LAMA2: variants seen among roughly 807,000 people sequenced by gnomAD.
The protein encoded by LAMA2 is laminin subunit alpha-2.
Under a neutral mutation model 364.8 loss-of-function variants are expected in LAMA2, and 269 were observed. The ratio of observed to expected loss-of-function variants is 0.74; its 90% CI spans 0.67 to 0.82. The LOEUF (loss-of-function observed/expected upper bound fraction) is 0.82. Ranked by LOEUF, LAMA2 falls within the 40% of genes least tolerant of loss-of-function variation. LAMA2 has a pLI of 0.00. For missense variants in LAMA2, 3,807 were observed against 3,873.2 expected, an observed-to-expected ratio of 0.98 and a Z score of 0.45; for synonymous variants, 1,379 against 1,370.6, an observed-to-expected ratio of 1.01 and a Z score of -0.14.
intron 12 of LAMA2, among the ~76,000 whole-genome samples, chr6:129,208,582 AAGG>A (rs1220205383): frequency 1.1e-4 from 16 of 150,702 alleles, no homozygotes; most frequent in South Asian, 8.4e-4. Flanking sequence ...AAGAGAAAGA[AAGG>A]AGGAAGGAAA....
Position 129,402,375 on chromosome 6 carries a change from G to T in LAMA2, c.5614G>T (p.Asp1872Tyr), listed in dbSNP as rs768525220. The change falls in exon 39 of 65, where the codon GAT (aspartate) becomes TAT (tyrosine). Residue 1872 changes from aspartate (D) to tyrosine (Y), a missense_variant. Transcript: ENST00000421865. ...GCCACCTATGTCTGAGGAGCTTAAT[G>T]ATAAAATAGATGACCTCTCCCAAGA... ...KLPPMSEELN[D>Y]KIDDLSQEIK... 26 of 1,613,898 alleles carry T rather than the reference G, an allele frequency of 1.6e-5. No individual in the cohort carries two copies. In the South Asian group the frequency reaches 2.6e-4, roughly 16 times the overall value.
chr6:128,988,164 C>A (rs1307884686), intron 1 of LAMA2, among the ~76,000 whole-genome samples: 1 of 152,104 alleles, frequency 6.6e-6, no homozygotes, highest in African/African-American at 2.4e-5. Context: ...CTGTGCCCGG[C>A]CTAGCATGTA....
intron 17 of LAMA2, among the ~76,000 whole-genome samples, chr6:129,276,428 A>T (rs1424892372): frequency 6.6e-6 from 1 of 152,154 alleles, no homozygotes; most frequent in Admixed American, 6.6e-5. Flanking sequence ...AATGCATGAC[A>T]GTTAAAGACA....
intron 56 of LAMA2, among the ~76,000 whole-genome samples, chr6:129,489,240 A>T (rs1452744225): frequency 6.6e-6 from 1 of 152,198 alleles, no homozygotes. Context: ...TGATAGCTTT[A>T]ATACCGCCTC....
chr6:129,238,422 G>T (rs757762741), intron 12 of LAMA2, among the ~76,000 whole-genome samples: 5 of 152,024 alleles, frequency 3.3e-5, no homozygotes, highest in Non-Finnish European at 7.4e-5. Context: ...ATAACATAAC[G>T]TATAATTCAG....
At chr6:129,319,485 AG>A (rs1774821166) in intron 27 of LAMA2, among the ~76,000 whole-genome samples, 1 of 152,202 alleles carries the variant, frequency 6.6e-6, no homozygotes, top group Non-Finnish European at 1.5e-5. Flanking sequence ...CATTTGAGGA[AG>A]CAAAAATGCA....
intron 15 of LAMA2, among the ~76,000 whole-genome samples, chr6:129,262,720 A>G (rs1787217489): frequency 6.6e-6 from 1 of 151,994 alleles, no homozygotes; most frequent in African/African-American, 2.4e-5. Flanking sequence ...CTATCCTTTC[A>G]TTATTTCATT....
intron 14 of LAMA2, among the ~76,000 whole-genome samples, chr6:129,256,892 A>G (rs1379544581): frequency 4.7e-5 from 7 of 149,868 alleles, no homozygotes; most frequent in Non-Finnish European, 7.4e-5. Context: ...GTAATATAGC[A>G]TATCTTACTC....
At chr6:128,888,110 C>G (rs1386330326) in intron 1 of LAMA2, among the ~76,000 whole-genome samples, 1 of 152,106 alleles carries the variant, frequency 6.6e-6, no homozygotes, top group Non-Finnish European at 1.5e-5. Context: ...GGAATTTAGG[C>G]AGAAGCTCCG....
At chr6:129,366,404 C>T (rs1219170722) in intron 33 of LAMA2, 43 bp downstream of exon 33, 1 of 1,608,432 alleles carries the variant, frequency 6.2e-7, no homozygotes, top group Non-Finnish European at 8.5e-7. Flanking sequence ...GACAAGGTGA[C>T]AGAAGCTTCA....
intron 23 of LAMA2, among the ~76,000 whole-genome samples, chr6:129,314,059 C>G (rs1256140860): frequency 6.6e-6 from 1 of 152,156 alleles, no homozygotes; most frequent in East Asian, 1.9e-4. Flanking sequence ...ATGAGTCTTT[C>G]ATATTGCTCA....
chr6:129,404,825 C>T (rs1780162835), intron 40 of LAMA2, among the ~76,000 whole-genome samples: 1 of 151,992 alleles, frequency 6.6e-6, no homozygotes, highest in Non-Finnish European at 1.5e-5. Flanking sequence ...ATTTTCTTTG[C>T]TTCAGTGTTG....
chr6:129,051,760 A>C (rs1788056995), intron 2 of LAMA2, among the ~76,000 whole-genome samples: 1 of 150,052 alleles, frequency 6.7e-6, no homozygotes, highest in African/African-American at 2.4e-5. Context: ...GAATTGATGG[A>C]TTATTAGTTT....
At chr6:129,066,478 A>G (rs1199090704) in intron 3 of LAMA2, among the ~76,000 whole-genome samples, 3 of 152,244 alleles carry the variant, frequency 2.0e-5, no homozygotes, top group Non-Finnish European at 4.4e-5. Flanking sequence ...TGTTTTGTGG[A>G]ATAACTAATA....
chr6:129,192,586 A>G (rs1181601885), intron 11 of LAMA2, 94 bp from the exon 12 acceptor site: 5 of 1,271,176 alleles, frequency 3.9e-6, no homozygotes, highest in African/African-American at 1.5e-5. Flanking sequence ...TTTGTTTTTA[A>G]TTTCCAAAAG....
At chr6:129,406,043 C>G (rs1012321479) in intron 40 of LAMA2, among the ~76,000 whole-genome samples, 1 of 151,942 alleles carries the variant, frequency 6.6e-6, no homozygotes, top group Non-Finnish European at 1.5e-5. Context: ...CCAACGACCA[C>G]TATGAAGAAA....
intron 29 of LAMA2, among the ~76,000 whole-genome samples, chr6:129,340,727 C>T (rs1776212213): frequency 6.7e-6 from 1 of 149,256 alleles, no homozygotes; most frequent in Non-Finnish European, 1.5e-5. Context: ...GTACCAGCTA[C>T]TCGGGAAGGT....
intron 3 of LAMA2, among the ~76,000 whole-genome samples, chr6:129,076,388 G>GA (rs977584077): frequency 2.8e-5 from 4 of 144,996 alleles, no homozygotes; most frequent in African/African-American, 7.6e-5. Flanking sequence ...AACATAGGGG[G>GA]AAAAAACACC....
At chr6:129,425,732 A>T (rs949011842) in intron 40 of LAMA2, among the ~76,000 whole-genome samples, 2 of 151,622 alleles carry the variant, frequency 1.3e-5, no homozygotes, top group South Asian at 4.2e-4. Flanking sequence ...ATGGCCTCCA[A>T]CTCCATCCAT....
Sources: gnomAD v4.1 joint callset for allele counts (sites outside exome capture counted in the v4.1 genomes callset) on GRCh38, gnomAD v4.1.1 for gene constraint, MANE v1.5 for transcripts, NCBI Gene and HGNC (gene_info 2026-07-23, HGNC 2026-07-21) for gene names.